The following TRHDE variants were observed in gnomAD, a reference collection of about 807,000 sequenced individuals.
The protein encoded by TRHDE is thyrotropin-releasing hormone-degrading ectoenzyme.
In TRHDE, 72 loss-of-function variants were observed where a neutral mutation model predicts 125.7. The observed-to-expected ratio is 0.57, with a 90% confidence interval of 0.47 to 0.70. The LOEUF (loss-of-function observed/expected upper bound fraction) is 0.70, where lower values mean the gene tolerates loss of function less well. Among genes scored for constraint, TRHDE ranks in the 30% least tolerant of loss-of-function variants. The probability of loss-of-function intolerance (pLI) is 0.00; values close to 1 mark genes in which losing one functional copy is unlikely to be tolerated. For missense variants in TRHDE, 1,110 were observed against 1,327.1 expected, an observed-to-expected ratio of 0.84 and a Z score of 2.54; for synonymous variants, 509 against 509.1, an observed-to-expected ratio of 1.00 and a Z score of 0.00.
intron 12 of TRHDE, among the ~76,000 whole-genome samples, chr12:72,617,721 G>A (rs1467045968): frequency 1.3e-5 from 2 of 152,112 alleles, no homozygotes; most frequent in African/African-American, 2.4e-5. Context: ...TCTGGAGGCC[G>A]GGGAGTCCAA....
intron 2 of TRHDE, among the ~76,000 whole-genome samples, chr12:72,151,477 A>G (rs1424818175): frequency 6.6e-6 from 1 of 152,168 alleles, no homozygotes; most frequent in Non-Finnish European, 1.5e-5. Flanking sequence ...GCCCATGCCT[A>G]TGTCCTGAAT....
At chr12:72,528,552 G>A (rs1868386352) in intron 6 of TRHDE, among the ~76,000 whole-genome samples, 1 of 151,676 alleles carries the variant, frequency 6.6e-6, no homozygotes, top group Non-Finnish European at 1.5e-5. Context: ...GTCTCGCTTT[G>A]TCCTCAGCTC....
rs191307472 is a variant in TRHDE at position 72,599,208 on chromosome 12, T to G, written c.2322-19683T>G. Among the ~76,000 whole-genome samples, 129 of 152,306 alleles carry G rather than the reference T, an allele frequency of 8.5e-4. 1 individual carries two copies. Among genetic ancestry groups the G allele is most frequent in the African/African-American group, 3.1e-3 (127 of 41,584 alleles). On this transcript the variant is annotated intron_variant, in intron 12 of 18. Transcript: ENST00000261180. ...AACATAAAGAGTGCAGGTGTCTTTT[T>G]GGTAGAACAATTTATTTTCTTTTGG...
At chr12:72,225,456 T>C (rs980014206) in intron 2 of TRHDE, among the ~76,000 whole-genome samples, 5 of 152,090 alleles carry the variant, frequency 3.3e-5, no homozygotes, top group African/African-American at 1.2e-4. Context: ...GAAAAGCCAG[T>C]GGAAAGACAG....
At chr12:72,157,892 C>T (rs1178142376) in intron 2 of TRHDE, among the ~76,000 whole-genome samples, 1 of 152,000 alleles carries the variant, frequency 6.6e-6, no homozygotes, top group Non-Finnish European at 1.5e-5. Flanking sequence ...AAGAGAAGAA[C>T]ATTGAGAAAG....
At chr12:72,640,779 C>T (rs1372875816) in intron 15 of TRHDE, among the ~76,000 whole-genome samples, 1 of 152,142 alleles carries the variant, frequency 6.6e-6, no homozygotes, top group African/African-American at 2.4e-5. Flanking sequence ...AAGGAAGCCT[C>T]CACCAGAGGT....
intron 15 of TRHDE, among the ~76,000 whole-genome samples, chr12:72,637,865 G>C (rs1873837125): frequency 6.6e-6 from 1 of 151,766 alleles, no homozygotes; most frequent in Non-Finnish European, 1.5e-5. Flanking sequence ...TGTGGTCTGA[G>C]AGATAGTTTG....
At position 72,466,847 on chromosome 12, in the gene TRHDE, T is replaced by C. The variant is rs369620182; in HGVS notation, c.1316-2911T>C. Among the ~76,000 whole-genome samples the C allele has an allele frequency of 3.7e-4, 57 of 152,314 alleles. 1 individual carries two copies. In the South Asian group the frequency reaches 0.012, roughly 32 times the overall value. On this transcript the variant is annotated intron_variant, in intron 3 of 18. Transcript: ENST00000261180. ...CCATCGATCAATCACTATCTTACTC[T>C]GTTACATTTTCTTTGTAGCATTTAT...
chr12:72,505,307 G>A (rs1282591990), intron 6 of TRHDE, among the ~76,000 whole-genome samples: 1 of 152,130 alleles, frequency 6.6e-6, no homozygotes, highest in Non-Finnish European at 1.5e-5. Flanking sequence ...TTTAATAGTA[G>A]ATTGAAAATG....
chr12:72,632,917 T>C (rs1396388745), intron 15 of TRHDE, among the ~76,000 whole-genome samples: 2 of 151,934 alleles, frequency 1.3e-5, no homozygotes, highest in Non-Finnish European at 2.9e-5. Flanking sequence ...TTTGACCTTT[T>C]CTTTTTAATG....
chr12:72,163,836 G>A (rs1002080580), intron 2 of TRHDE, among the ~76,000 whole-genome samples: 1 of 152,346 alleles, frequency 6.6e-6, no homozygotes, highest in Middle Eastern at 3.4e-3. Context: ...AATCGGCAGA[G>A]CGCGGTGGCT....
intron 2 of TRHDE, among the ~76,000 whole-genome samples, chr12:72,133,805 G>A (rs371791714): frequency 2.6e-5 from 4 of 152,234 alleles, no homozygotes; most frequent in East Asian, 1.9e-4. Context: ...CTGGGACTAC[G>A]AAAGCTGCAG....
At chr12:72,607,436 T>C (rs1051357856) in intron 12 of TRHDE, among the ~76,000 whole-genome samples, 4 of 152,064 alleles carry the variant, frequency 2.6e-5, no homozygotes, top group African/African-American at 9.7e-5. Context: ...CCTTCATTGA[T>C]TTTTTTTATG....
chr12:72,378,570 C>T (rs1223689608), intron 3 of TRHDE, among the ~76,000 whole-genome samples: 1 of 152,182 alleles, frequency 6.6e-6, no homozygotes, highest in Non-Finnish European at 1.5e-5. Flanking sequence ...ACTCCCCGAA[C>T]AACTCAATAT....
chr12:72,200,866 G>A (rs1334588205), intron 2 of TRHDE, among the ~76,000 whole-genome samples: 4 of 151,390 alleles, frequency 2.6e-5, no homozygotes, highest in Non-Finnish European at 4.4e-5. Context: ...GTTTATAAGT[G>A]TGCAAAGGCA....
At chr12:72,483,138 T>A (rs1359575343) in intron 5 of TRHDE, among the ~76,000 whole-genome samples, 1 of 152,006 alleles carries the variant, frequency 6.6e-6, no homozygotes, top group Non-Finnish European at 1.5e-5. Flanking sequence ...CCTCCCTTTT[T>A]TTTTTGGCTG....
chr12:72,319,519 G>T (rs765493234), intron 2 of TRHDE, among the ~76,000 whole-genome samples: 1 of 152,066 alleles, frequency 6.6e-6, no homozygotes, highest in Non-Finnish European at 1.5e-5. Context: ...CATATGGAAC[G>T]CCTCAAAGGT....
chr12:72,445,525 A>G (rs1159102195), intron 3 of TRHDE, among the ~76,000 whole-genome samples: 1 of 151,848 alleles, frequency 6.6e-6, no homozygotes, highest in Non-Finnish European at 1.5e-5. Context: ...AGCTGCCCTA[A>G]CATTTATTTT....
chr12:72,657,867 A>G (rs1001560839), intron 18 of TRHDE, among the ~76,000 whole-genome samples: 1 of 152,166 alleles, frequency 6.6e-6, no homozygotes, highest in African/African-American at 2.4e-5. Context: ...CCTGTTCTCC[A>G]TTGTAAAATA....
Sources: allele counts gnomAD v4.1 joint callset (sites outside exome capture counted in the v4.1 genomes callset), GRCh38; gene constraint gnomAD v4.1.1; transcripts MANE v1.5; gene names NCBI Gene and HGNC (gene_info 2026-07-23, HGNC 2026-07-21).